ATP11A: variants seen among roughly 807,000 people sequenced by gnomAD.
ATP11A encodes the protein phospholipid-transporting ATPase IH.
Under a neutral mutation model 154.4 loss-of-function variants are expected in ATP11A, and 81 were observed. The observed-to-expected ratio is 0.52, with a 90% confidence interval of 0.44 to 0.63. The LOEUF (loss-of-function observed/expected upper bound fraction) is 0.63. ATP11A is among the 30% of genes least tolerant of loss of function. The pLI is 0.00. For synonymous variants in ATP11A, 623 were observed against 585.9 expected, an observed-to-expected ratio of 1.06 and a Z score of -0.91; for missense variants, 1,316 against 1,474.3, an observed-to-expected ratio of 0.89 and a Z score of 1.76.
At chr13:112,705,680 G>A (rs978622943) in intron 1 of ATP11A, among the ~76,000 whole-genome samples, 2 of 152,242 alleles carry the variant, frequency 1.3e-5, no homozygotes, top group Non-Finnish European at 2.9e-5. Flanking sequence ...CTAAGCAGGT[G>A]TCGACTGCCC....
intron 2 of ATP11A, among the ~76,000 whole-genome samples, chr13:112,798,207 T>C (rs1402073553): frequency 1.3e-5 from 2 of 152,250 alleles, no homozygotes; most frequent in Non-Finnish European, 2.9e-5. Context: ...AGTTGTCACA[T>C]TGGCAACACC....
intron 12 of ATP11A, among the ~76,000 whole-genome samples, chr13:112,829,973 G>A (rs750278459): frequency 6.6e-5 from 10 of 152,136 alleles, no homozygotes; most frequent in Non-Finnish European, 1.0e-4. Flanking sequence ...TTATCTCTGC[G>A]TCCCGAGCTA....
At chr13:112,780,299 G>T (rs1188035613) in intron 1 of ATP11A, among the ~76,000 whole-genome samples, 3 of 151,900 alleles carry the variant, frequency 2.0e-5, no homozygotes, top group African/African-American at 7.3e-5. Flanking sequence ...AGAGGCGGTC[G>T]GCAGCCACCA....
intron 12 of ATP11A, among the ~76,000 whole-genome samples, chr13:112,828,135 T>C: frequency 8.3e-6 from 1 of 121,152 alleles, no homozygotes; most frequent in African/African-American, 3.2e-5. Flanking sequence ...CCAGCAGCGT[T>C]GAGTAGGGGG....
At chr13:112,828,553 G>T (rs1214937128) in intron 12 of ATP11A, among the ~76,000 whole-genome samples, 1 of 150,572 alleles carries the variant, frequency 6.6e-6, no homozygotes, top group Non-Finnish European at 1.5e-5. Context: ...GGGGGAAAGC[G>T]CCAAGAAGTG....
At chr13:112,711,898 T>C (rs1393922890) in intron 1 of ATP11A, among the ~76,000 whole-genome samples, 3 of 152,202 alleles carry the variant, frequency 2.0e-5, no homozygotes, top group Non-Finnish European at 2.9e-5. Flanking sequence ...TGACTCACTT[T>C]CTGGAGCACA....
In ATP11A at chr13:112,859,067, T is replaced by C. The variant is rs947322346; in HGVS notation, c.2668-326T>C. Reference sequence around the variant, plus strand: ...GTGGAACCAGTGAGAACCTTTCAGGTGGAAATGTTTGAGGAAGGATTCCTT... The same window carrying C: ...GTGGAACCAGTGAGAACCTTTCAGGCGGAAATGTTTGAGGAAGGATTCCTT... On this transcript the variant is annotated intron_variant, in intron 22 of 29. Transcript: ENST00000375645. The surrounding 1 kb of genome is among the most constrained non-coding windows in gnomAD (Gnocchi z 4.3). 5 of 303,468 alleles carry C rather than the reference T, an allele frequency of 1.6e-5. No homozygotes were observed. The highest frequency in any genetic ancestry group is 3.2e-5 in the Non-Finnish European group (5 of 157,360). The allele number at this position is 303,468 out of a possible 1,614,324, so 18.8% of individuals were successfully genotyped here. A position where few individuals can be genotyped will look rare whatever the true frequency, so the allele number is the denominator to read the frequency against.
chr13:112,871,920 C>A, intron 26 of ATP11A, 120 bp downstream of exon 26: 1 of 1,144,558 alleles, frequency 8.7e-7, no homozygotes, highest in Non-Finnish European at 1.3e-6. Flanking sequence ...CCACTCTCCA[C>A]CCAGCCTTGG....
intron 4 of ATP11A, among the ~76,000 whole-genome samples, chr13:112,809,183 C>T (rs961264654): frequency 1.6e-4 from 25 of 152,248 alleles, no homozygotes; most frequent in Middle Eastern, 6.8e-3. Context: ...ATCATCTACC[C>T]ACTGCCACCT....
intron 29 of ATP11A, chr13:112,881,305 G>C: frequency 1.0e-6 from 1 of 1,000,714 alleles, no homozygotes; most frequent in Non-Finnish European, 1.2e-6. Context: ...GGCCCCATCC[G>C]TATGGTGACA....
chr13:112,836,894 C>T (rs1223666017), intron 16 of ATP11A, among the ~76,000 whole-genome samples: 2 of 152,248 alleles, frequency 1.3e-5, no homozygotes, highest in South Asian at 2.1e-4. Flanking sequence ...TGACGATTGC[C>T]TCTGCAGTCC....
Position 112,773,371 on chromosome 13 carries a change from G to A in ATP11A, c.40-11764G>A, listed in dbSNP as rs542168821. 9.8e-5 allele frequency among the ~76,000 whole-genome samples: 15 copies of A among 152,316 alleles called. No individual in the cohort carries two copies. In the South Asian group the frequency reaches 1.5e-3, roughly 15 times the overall value. On this transcript the variant is annotated intron_variant, in intron 1 of 29. Transcript: ENST00000375645. ...TATTTGCTGCTTAATCTGAGCAAAGGAAATGCCGCCTCTCTCTGTATCGAC... is the reference window on the plus strand; with the variant it reads ...TATTTGCTGCTTAATCTGAGCAAAGAAAATGCCGCCTCTCTCTGTATCGAC...
intron 1 of ATP11A, among the ~76,000 whole-genome samples, chr13:112,728,526 G>C (rs1890135762): frequency 6.7e-6 from 1 of 149,316 alleles, no homozygotes; most frequent in Non-Finnish European, 1.5e-5. Context: ...ACGCGTGGAG[G>C]GGGCCGTGAG....
intron 1 of ATP11A, among the ~76,000 whole-genome samples, chr13:112,707,524 C>T (rs1438458209): frequency 1.3e-5 from 2 of 151,840 alleles, no homozygotes; most frequent in African/African-American, 4.8e-5. Context: ...CAACTGAGAG[C>T]AGTCATTGAA....
rs2080790282 is a variant in ATP11A at position 112,878,287 on chromosome 13, G to A, written c.3398G>A (p.Ser1133Asn). ...CTTTCTCAGACTTCCAGCAGCCTGA[G>A]TTTCTGATGGAACAAGGTGATGCTC... ...FMLSQTSSSL[S>N]F Residue 1133 changes from serine to asparagine, a missense_variant, in exon 29 of 30, where the codon AGT becomes AAT. Around this residue, in one of 5 missense-constraint regions of ATP11A, gnomAD observed 294 missense variants for 290.2 expected, o/e 1.01. Transcript: ENST00000375645. 1.2e-6 allele frequency: 2 copies of A among 1,614,126 alleles called. No homozygotes were observed. Among genetic ancestry groups the A allele is most frequent in the Non-Finnish European group, 8.5e-7 (1 of 1,180,044 alleles).
intron 12 of ATP11A, among the ~76,000 whole-genome samples, chr13:112,828,272 CAGTGTTGAGTAGGGGGGAAAGTACCCAGA>C (rs2078993727): frequency 7.7e-6 from 1 of 129,894 alleles, no homozygotes; most frequent in East Asian, 2.3e-4. Context: ...AAGCACCCAG[CAGTGTTGAGTAGGGGGGAAAGTACCCAGA>C]AGTGTTGAGT....
rs535594293 is a variant in ATP11A, at chr13:112,759,925, T to C, written c.40-25210T>C. Among the ~76,000 whole-genome samples, 467 of 152,310 alleles carry C rather than the reference T, an allele frequency of 3.1e-3. 1 individual carries two copies. The highest frequency in any genetic ancestry group is 5.5e-3 in the Non-Finnish European group (371 of 68,036). On this transcript the variant is annotated intron_variant, in intron 1 of 29. Coordinates refer to ENST00000375645, the MANE Select transcript of ATP11A (RefSeq NM_015205.3). ...AGTTGCTTTTCACTTAAAAAGTGCA[T>C]GCAACAGAAAGCACCACCTTGTCGA...
At position 112,737,221 on chromosome 13, in the gene ATP11A, G is replaced by A. The variant is rs144921264; in HGVS notation, c.39+46766G>A. Among the ~76,000 whole-genome samples, 225 of 152,258 alleles carry A rather than the reference G, an allele frequency of 1.5e-3. 4 individuals are homozygous for A. Among genetic ancestry groups the A allele is most frequent in the East Asian group, 3.1e-3 (16 of 5,174 alleles). On this transcript the variant is annotated intron_variant, in intron 1 of 29. Coordinates refer to ENST00000375645, the MANE Select transcript of ATP11A (RefSeq NM_015205.3). ...GCACTCCTGGGGGATGGAGGCAGAGGTCAAAGTGGATGAGACCTTGGCAGG... is the reference window on the plus strand; with the variant it reads ...GCACTCCTGGGGGATGGAGGCAGAGATCAAAGTGGATGAGACCTTGGCAGG...
chr13:112,805,194 G>GAC, intron 3 of ATP11A, 148 bp downstream of exon 3: 1 of 491,462 alleles, frequency 2.0e-6, no homozygotes. Context: ...TTAAGGAAGG[G>GAC]CAAAATGTCT....
Sources: gnomAD v4.1 joint callset for allele counts (sites outside exome capture counted in the v4.1 genomes callset) on GRCh38, gnomAD v4.1.1 for gene constraint, gnomAD v4.1.1 regional missense constraint, Gnocchi (gnomAD v3.1) non-coding constraint, MANE v1.5 for transcripts, NCBI Gene and HGNC (gene_info 2026-07-23, HGNC 2026-07-21) for gene names.